The following HECTD4 variants were observed in gnomAD, a reference collection of about 807,000 sequenced individuals.
HECTD4 encodes the protein probable E3 ubiquitin-protein ligase HECTD4.
Under a neutral mutation model 471.5 loss-of-function variants are expected in HECTD4, and 114 were observed. That is an observed-to-expected ratio of 0.24 (90% CI 0.21 to 0.28). The LOEUF (loss-of-function observed/expected upper bound fraction) is 0.28, where lower values mean the gene tolerates loss of function less well. Among genes scored for constraint, HECTD4 ranks in the 10% least tolerant of loss-of-function variants. The probability of loss-of-function intolerance (pLI) is 1.00; values close to 1 mark genes in which losing one functional copy is unlikely to be tolerated. For missense variants in HECTD4, 3,866 were observed against 5,651.5 expected (o/e 0.68, Z 10.13); for synonymous variants, 2,012 against 2,256.0 (o/e 0.89, Z 3.07).
Position 112,250,265 on chromosome 12 carries a change from C to T in HECTD4, c.3829G>A (p.Val1277Ile). 4 of 1,613,950 alleles carry T rather than the reference C, an allele frequency of 2.5e-6. No individual in the cohort carries two copies. The highest frequency in any genetic ancestry group is 3.4e-6 in the Non-Finnish European group (4 of 1,179,844). Residue 1277 changes from valine to isoleucine, a missense_variant, in exon 25 of 76, where the codon GTC becomes ATC. Val to Ile is a conservative substitution (Grantham distance 29). Coordinates refer to ENST00000682272, the MANE Select transcript of HECTD4 (RefSeq NM_001388303.1). ...TAGTTTCCAACAGGAGGCACGAGGA[C>T]ATCAGAGGGGTAGGTGAATTCTCTG... Reference protein sequence around the residue: ...EDREFTYPSDVLVPPVGNYFD... With the variant: ...EDREFTYPSDILVPPVGNYFD...
chr12:112,207,661 C>T (rs552474025), intron 52 of HECTD4, among the ~76,000 whole-genome samples: 11 of 152,150 alleles, frequency 7.2e-5, no homozygotes, highest in African/African-American at 2.7e-4. Flanking sequence ...ACTGCAGCAG[C>T]CCATCAACCC....
intron 22 of HECTD4, among the ~76,000 whole-genome samples, chr12:112,253,136 T>G (rs1324820257): frequency 6.6e-6 from 1 of 150,978 alleles, no homozygotes; most frequent in Admixed American, 6.6e-5. Flanking sequence ...TCTCTCTTTT[T>G]TTTTTTGTAA....
chr12:112,226,689 T>C lies in HECTD4; in HGVS notation c.6924A>G (p.Pro2308=), dbSNP rs764680776. The C allele has an allele frequency of 2.5e-6, 4 of 1,613,334 alleles. No homozygotes were observed. In the South Asian group the frequency reaches 4.4e-5, roughly 18 times the overall value. Residue 2308 remains proline (P), a synonymous_variant, in exon 44 of 76, where the codon CCA becomes CCG. Transcript: ENST00000682272. ...CTAGGTTAAGAACTTCAACAGCTGC[T>C]GGACATTGTTGTATGAATTCTTCAC... ...LFCEEFIQQC[P]AAVEVLNLVA...
intron 1 of HECTD4, among the ~76,000 whole-genome samples, chr12:112,336,461 TGCA>T (rs541807222): frequency 5.8e-4 from 88 of 151,794 alleles, no homozygotes; most frequent in African/African-American, 2.0e-3. Context: ...AGGCGGAGCT[TGCA>T]GTGAGCCGAG....
At chr12:112,310,255 T>C (rs1860311119) in intron 4 of HECTD4, among the ~76,000 whole-genome samples, 2 of 152,232 alleles carry the variant, frequency 1.3e-5, no homozygotes, top group African/African-American at 4.8e-5. Context: ...AATGAAATTG[T>C]GTTAATATAC....
At chr12:112,226,545 T>C (rs2033244262) in intron 44 of HECTD4, 98 bp downstream of exon 44, 2 of 659,944 alleles carry the variant, frequency 3.0e-6, no homozygotes, top group African/African-American at 1.8e-5. Context: ...GCTGTTTTGA[T>C]GTGTGTGTAT....
At position 112,171,483 on chromosome 12, in the gene HECTD4, G is replaced by T. The variant is rs571833441; in HGVS notation, c.11786-220C>A. ...CCTGGCTGGCCAGATGGAGGTGCTG[G>T]CTCTTAAGGAGTCCAAGGCCCCTCA... On this transcript the variant is annotated intron_variant, in intron 67 of 75. Coordinates refer to ENST00000682272, the MANE Select transcript of HECTD4 (RefSeq NM_001388303.1). 1.1e-4 allele frequency: 71 copies of T among 649,856 alleles called. No homozygotes were observed. In the African/African-American group the frequency reaches 1.1e-3, roughly 11 times the overall value. 40.3% of individuals were successfully genotyped at this position (649,856 alleles called of 1,614,324 possible). A position where few individuals can be genotyped will look rare whatever the true frequency, so the allele number is the denominator to read the frequency against.
intron 7 of HECTD4, among the ~76,000 whole-genome samples, chr12:112,298,254 G>A (rs2035084552): frequency 1.3e-5 from 2 of 152,110 alleles, no homozygotes; most frequent in South Asian, 2.1e-4. Flanking sequence ...ATACTCTAAC[G>A]TATCTGTATG....
At chr12:112,299,505 C>T (rs925005603) in intron 7 of HECTD4, among the ~76,000 whole-genome samples, 6 of 152,064 alleles carry the variant, frequency 3.9e-5, no homozygotes, top group Non-Finnish European at 8.8e-5. Context: ...TGCCTGTAGT[C>T]CCAGCTACTT....
In HECTD4 at chr12:112,243,267, C is replaced by T. The variant is rs1218015005; in HGVS notation, c.4958+86G>A. The T allele has an allele frequency of 8.6e-6, 10 of 1,162,384 alleles. No homozygotes were observed. The highest frequency in any genetic ancestry group is 2.6e-5 in the East Asian group (1 of 38,724). 72.0% of individuals were successfully genotyped at this position (1,162,384 alleles called of 1,614,324 possible). ...AGAGGAAAACATTAGCAAATACTACCGCCTATGTTTGGGTCCCAAGAATAA... is the reference window on the plus strand; with the variant it reads ...AGAGGAAAACATTAGCAAATACTACTGCCTATGTTTGGGTCCCAAGAATAA... On this transcript the variant is annotated intron_variant, in intron 32 of 75. Transcript: ENST00000682272. The surrounding 1 kb of genome is among the most constrained non-coding windows in gnomAD (Gnocchi z 6.6).
chr12:112,360,143 T>G (rs1013246762), intron 1 of HECTD4, among the ~76,000 whole-genome samples: 2 of 152,166 alleles, frequency 1.3e-5, no homozygotes, highest in Non-Finnish European at 1.5e-5. Flanking sequence ...TATCTAGGTA[T>G]AGGTTTAAAC....
At chr12:112,227,535 G>A (rs953141187) in intron 43 of HECTD4, among the ~76,000 whole-genome samples, 1 of 152,196 alleles carries the variant, frequency 6.6e-6, no homozygotes, top group African/African-American at 2.4e-5. Context: ...GTATTTGCAG[G>A]AAAAGACCAA....
rs114483720 is a variant in HECTD4 at position 112,277,363 on chromosome 12, C to T, written c.1687+1865G>A. ...TCCATCCTGCCACCCTGTGAAGACG[C>T]CTGCTTCTCCTTTGCCTTCCGCCAT... On this transcript the variant is annotated intron_variant, in intron 9 of 75. Coordinates refer to ENST00000682272, the MANE Select transcript of HECTD4 (RefSeq NM_001388303.1). 2.6e-3 allele frequency among the ~76,000 whole-genome samples: 391 copies of T among 152,316 alleles called. 2 individuals carry two copies. Among genetic ancestry groups the T allele is most frequent in the African/African-American group, 9.2e-3 (381 of 41,558 alleles).
At position 112,242,381 on chromosome 12, in the gene HECTD4, G is replaced by A. The variant is rs142686629; in HGVS notation, c.4958+972C>T. On this transcript the variant is annotated intron_variant, in intron 32 of 75. Coordinates refer to ENST00000682272, the MANE Select transcript of HECTD4 (RefSeq NM_001388303.1). Reference sequence around the variant, plus strand: ...TAATCCCAGCAGTCTGGGAGACTGAGACAGGAGGATCCCTTGAGCCCAGAA... The same window carrying A: ...TAATCCCAGCAGTCTGGGAGACTGAAACAGGAGGATCCCTTGAGCCCAGAA... Among the ~76,000 whole-genome samples the A allele has an allele frequency of 2.0e-5, 3 of 152,108 alleles. No homozygotes were observed. In the East Asian group the frequency reaches 5.8e-4, roughly 29 times the overall value.
At chr12:112,327,999 G>A (rs1314347313) in intron 1 of HECTD4, among the ~76,000 whole-genome samples, 1 of 152,118 alleles carries the variant, frequency 6.6e-6, no homozygotes, top group Non-Finnish European at 1.5e-5. Context: ...TCCCCGGTAT[G>A]GGACATTAAC....
intron 55 of HECTD4, among the ~76,000 whole-genome samples, chr12:112,198,611 G>C (rs1048238856): frequency 1.3e-5 from 2 of 152,178 alleles, no homozygotes; most frequent in African/African-American, 4.8e-5. Context: ...CTTGCTGATA[G>C]CTCTCTTGAG....
At chr12:112,165,528 T>G (rs549389631) in intron 72 of HECTD4, among the ~76,000 whole-genome samples, 61 of 152,052 alleles carry the variant, frequency 4.0e-4, no homozygotes, top group African/African-American at 1.4e-3. Flanking sequence ...ATTTTTTGTA[T>G]TTTTAGTAGA....
intron 45 of HECTD4, among the ~76,000 whole-genome samples, chr12:112,217,992 T>A (rs2032974840): frequency 6.6e-6 from 1 of 152,046 alleles, no homozygotes; most frequent in Non-Finnish European, 1.5e-5. Context: ...TTATTATTAT[T>A]TTTTTATTTT....
chr12:112,338,650 G>T (rs956174716), intron 1 of HECTD4, among the ~76,000 whole-genome samples: 2 of 151,920 alleles, frequency 1.3e-5, no homozygotes, highest in African/African-American at 4.8e-5. Flanking sequence ...AAAGAAAAAA[G>T]ACATACCTGA....
Sources: gnomAD v4.1 joint callset for allele counts (sites outside exome capture counted in the v4.1 genomes callset) on GRCh38, gnomAD v4.1.1 for gene constraint, Gnocchi (gnomAD v3.1) non-coding constraint, MANE v1.5 for transcripts, NCBI Gene and HGNC (gene_info 2026-07-23, HGNC 2026-07-21) for gene names.